PLXNA4: variants seen among roughly 807,000 people sequenced by gnomAD.
PLXNA4 encodes plexin A4.
A neutral mutation model predicts 191.8 loss-of-function variants in PLXNA4; 44 were observed. The observed-to-expected ratio is 0.23, with a 90% CI of 0.18 to 0.29. PLXNA4 has a LOEUF of 0.29. Ranked by LOEUF, PLXNA4 falls within the 10% of genes least tolerant of loss-of-function variation. PLXNA4 has a pLI of 1.00. For synonymous variants in PLXNA4, 1,082 were observed against 1,009.5 expected, an observed-to-expected ratio of 1.07 and a Z score of -1.36; for missense variants, 1,800 against 2,488.8, an observed-to-expected ratio of 0.72 and a Z score of 5.89.
chr7:132,330,463 A>G (rs979851338), intron 3 of PLXNA4, among the ~76,000 whole-genome samples: 10 of 152,248 alleles, frequency 6.6e-5, no homozygotes, highest in Non-Finnish European at 1.5e-4. Context: ...GAAAGGGCGG[A>G]AAAGGTCCTC....
At chr7:132,179,065 A>C (rs1796597087) in intron 20 of PLXNA4, among the ~76,000 whole-genome samples, 1 of 132,608 alleles carries the variant, frequency 7.5e-6, no homozygotes, top group African/African-American at 3.0e-5. Context: ...CACGGCCTCC[A>C]GCACTGCTCA....
upstream of PLXNA4, among the ~76,000 whole-genome samples, chr7:132,578,039 A>G (rs1180110847): frequency 6.6e-6 from 1 of 152,088 alleles, no homozygotes; most frequent in Admixed American, 6.5e-5. Flanking sequence ...ATCCTAGACT[A>G]CATCCAGAAC....
chr7:132,575,187 A>T (rs1052170144), intron 1 of PLXNA4, among the ~76,000 whole-genome samples: 4 of 152,236 alleles, frequency 2.6e-5, no homozygotes, highest in African/African-American at 7.2e-5. Flanking sequence ...CAAGAAGGGA[A>T]CTATGGAAAA....
At chr7:132,408,236 A>G (rs1453654718) in intron 3 of PLXNA4, among the ~76,000 whole-genome samples, 1 of 152,170 alleles carries the variant, frequency 6.6e-6, no homozygotes, top group Non-Finnish European at 1.5e-5. Flanking sequence ...TAGTTGAGTT[A>G]CAAGGTTCAC....
intron 3 of PLXNA4, among the ~76,000 whole-genome samples, chr7:132,341,954 T>C (rs1261823202): frequency 6.6e-6 from 1 of 152,120 alleles, no homozygotes; most frequent in East Asian, 1.9e-4. Context: ...TTAGTCAAAA[T>C]GGGATTCCAA....
At chr7:132,356,907 C>T (rs1267667785) in intron 3 of PLXNA4, among the ~76,000 whole-genome samples, 1 of 152,078 alleles carries the variant, frequency 6.6e-6, no homozygotes, top group African/African-American at 2.4e-5. Context: ...ATTAGAGAGT[C>T]AAAAGTACTC....
At chr7:132,198,138 G>A (rs1457951217) in intron 13 of PLXNA4, among the ~76,000 whole-genome samples, 1 of 152,168 alleles carries the variant, frequency 6.6e-6, no homozygotes, top group East Asian at 1.9e-4. Context: ...GGGGATGTGA[G>A]CGGGAAGTTG....
Position 132,187,579 on chromosome 7 carries a change from C to T in PLXNA4, c.2885G>A (p.Ser962Asn). ...MTLTLSDLKPSRGPMSGGTQV... is the reference protein window; with the variant it reads ...MTLTLSDLKPNRGPMSGGTQV... The stretch of plus-strand genomic sequence containing the variant: ...GGTCCCTCCGGACATGGGCCCCCGG[C>T]TGGGCTTCAGATCTGAGAGAGTCAG... Residue 962 changes from serine (S) to asparagine (N), a missense_variant, in exon 15 of 32, where the codon AGC becomes AAC. Around this residue, in one of 6 missense-constraint regions of PLXNA4, gnomAD observed 1,397 missense variants for 1,880.4 expected, o/e 0.74. Transcript: ENST00000321063. 6.2e-7 allele frequency: 1 copy of T among 1,613,644 alleles called. No homozygotes were observed. The highest frequency in any genetic ancestry group is 8.5e-7 in the Non-Finnish European group (1 of 1,179,732).
At chr7:132,179,110 CAT>C (rs1796599369) in intron 20 of PLXNA4, among the ~76,000 whole-genome samples, 1 of 132,348 alleles carries the variant, frequency 7.6e-6, no homozygotes. Flanking sequence ...AAATGACACA[CAT>C]ACACATACAC....
chr7:132,563,284 CTCCTCCTCCTTTCTCT>C (rs1801427285), intron 1 of PLXNA4, among the ~76,000 whole-genome samples: 1 of 126,846 alleles, frequency 7.9e-6, no homozygotes, highest in Non-Finnish European at 1.7e-5. Flanking sequence ...CCTCCTCCTT[CTCCTCCTCCTTTCTCT>C]TCCTCCTCCT....
At chr7:132,583,424 T>C (rs58222788) in intron 2 of PLXNA4, among the ~76,000 whole-genome samples, 3,005 of 152,304 alleles carry the variant, frequency 0.02, 88 homozygotes, top group African/African-American at 0.066. Flanking sequence ...CACACCATTC[T>C]CCTTGAGGAC....
intron 1 of PLXNA4, among the ~76,000 whole-genome samples, chr7:132,567,097 A>T (rs528943003): frequency 2.6e-5 from 4 of 152,152 alleles, no homozygotes; most frequent in Non-Finnish European, 2.9e-5. Context: ...TGGCCCAATA[A>T]CCTGAAAAGC....
chr7:132,569,724 A>G (rs1801888117), intron 1 of PLXNA4, among the ~76,000 whole-genome samples: 1 of 152,230 alleles, frequency 6.6e-6, no homozygotes, highest in African/African-American at 2.4e-5. Flanking sequence ...GGAATCATCT[A>G]GGAACCTAAG....
chr7:132,439,436 T>C (rs1795601503), intron 3 of PLXNA4, among the ~76,000 whole-genome samples: 1 of 152,194 alleles, frequency 6.6e-6, no homozygotes, highest in Non-Finnish European at 1.5e-5. Context: ...CACATGGATA[T>C]ACAAATACAC....
chr7:132,409,799 T>C (rs1794375451), intron 3 of PLXNA4, among the ~76,000 whole-genome samples: 1 of 152,160 alleles, frequency 6.6e-6, no homozygotes, highest in African/African-American at 2.4e-5. Context: ...GTTGGTAAAT[T>C]ACCGTCACCT....
intron 2 of PLXNA4, among the ~76,000 whole-genome samples, chr7:132,635,344 G>C (rs1195424697): frequency 6.6e-6 from 1 of 151,948 alleles, no homozygotes; most frequent in Non-Finnish European, 1.5e-5. Flanking sequence ...CACAGCACCT[G>C]GCACAGAGTA....
chr7:132,221,428 C>T (rs563574999), intron 9 of PLXNA4, among the ~76,000 whole-genome samples: 1 of 152,292 alleles, frequency 6.6e-6, no homozygotes, highest in African/African-American at 2.4e-5. Flanking sequence ...TGTCTCAACT[C>T]CCATCAAGTT....
intron 4 of PLXNA4, among the ~76,000 whole-genome samples, chr7:132,281,931 G>A (rs1214506464): frequency 3.3e-5 from 5 of 152,124 alleles, no homozygotes; most frequent in African/African-American, 1.2e-4. Context: ...TTATAACATT[G>A]ATAATATCTG....
At chr7:132,581,240 CT>C (rs1193302363), upstream of PLXNA4, among the ~76,000 whole-genome samples, 2 of 152,196 alleles carry the variant, frequency 1.3e-5, no homozygotes, top group Non-Finnish European at 2.9e-5. Flanking sequence ...AAGTGACTGC[CT>C]TTCAAGGAAG....
Sources: gnomAD v4.1 joint callset for allele counts (sites outside exome capture counted in the v4.1 genomes callset) on GRCh38, gnomAD v4.1.1 for gene constraint, gnomAD v4.1.1 regional missense constraint, MANE v1.5 for transcripts, NCBI Gene and HGNC (gene_info 2026-07-23, HGNC 2026-07-21) for gene names.